Variants in C8B observed in about 807,000 individuals in gnomAD.
C8B encodes complement component C8 beta chain.
In C8B, 67 loss-of-function variants were observed where a neutral mutation model predicts 64.6. The observed-to-expected ratio is 1.04, with a 90% confidence interval of 0.85 to 1.27. The LOEUF is 1.27. C8B is among the 50% of genes most tolerant of loss of function. The probability of loss-of-function intolerance (pLI) is 0.00; values close to 1 mark genes in which losing one functional copy is unlikely to be tolerated. For missense variants in C8B, 790 were observed against 725.2 expected (o/e 1.09, Z -1.03); for synonymous variants, 284 against 257.7 (o/e 1.10, Z -0.98).
intron 9 of C8B, among the ~76,000 whole-genome samples, chr1:56,936,555 T>G (rs2101370536): frequency 6.6e-6 from 1 of 150,882 alleles, no homozygotes; most frequent in Admixed American, 6.6e-5. Flanking sequence ...AGCCATTTAG[T>G]TATATTCATG....
At position 56,933,491 on chromosome 1, in the gene C8B, G is replaced by A; in HGVS notation, c.1399-3C>T. 4 of 1,613,140 alleles carry A rather than the reference G, an allele frequency of 2.5e-6. No homozygotes were observed. The highest frequency in any genetic ancestry group is 3.4e-6 in the Non-Finnish European group (4 of 1,179,168). On this transcript the variant is annotated splice_region_variant and splice_polypyrimidine_tract_variant and intron_variant, in intron 9 of 11. Transcript: ENST00000371237. ...ACTAGTTCATACAGAGGCTCCACCT[G>A]GAAAGGGAAAAGGGCATTTATTTCA...
At chr1:56,942,454 C>A (rs1395968068) in intron 8 of C8B, among the ~76,000 whole-genome samples, 95 of 152,178 alleles carry the variant, frequency 6.2e-4, no homozygotes, top group Non-Finnish European at 1.2e-4. Flanking sequence ...CTAATCCCAG[C>A]ACTTTGGGAG....
rs543174993 is a variant in C8B, at chr1:56,945,921, A to G, written c.1005T>C (p.Asp335=). Residue 335 remains aspartate, a synonymous_variant, in exon 7 of 12, where the codon GAT becomes GAC. Transcript: ENST00000371237. ...PLEYSYGEYR[D]LFRDFGTHYI... ...AGTGGGTCCCAAAATCACGGAAGAG[A>G]TCTCTGTATTCCCCGTAGCTGTACT... 47 of 1,614,078 alleles carry G rather than the reference A, an allele frequency of 2.9e-5. 1 individual carries two copies. In the African/African-American group the frequency reaches 5.1e-4, roughly 17 times the overall value.
At position 56,937,066 on chromosome 1, in the gene C8B, G is replaced by A. The variant is rs911970479; in HGVS notation, c.1399-3578C>T. ...ATACCTTGCTTTGAGAAAGGTATGA[G>A]GGTCATTATTACAGTTTATTAAATA... On this transcript the variant is annotated intron_variant, in intron 9 of 11. Coordinates refer to ENST00000371237, the MANE Select transcript of C8B (RefSeq NM_000066.4). 1.3e-5 allele frequency among the ~76,000 whole-genome samples: 2 copies of A among 152,184 alleles called. 1 individual carries two copies. The highest frequency in any genetic ancestry group is 2.9e-5 in the Non-Finnish European group (2 of 68,034).
At chr1:56,931,576 G>T (rs138813115) in intron 11 of C8B, 3 of 464,288 alleles carry the variant, frequency 6.5e-6, no homozygotes, top group South Asian at 2.0e-5. Flanking sequence ...CAAAAGCCAC[G>T]CATTGATATT....
chr1:56,949,607 T>C lies in C8B; in HGVS notation c.812A>G (p.Gln271Arg), dbSNP rs1557736855. ...AATATAGTGTTTGCCTCGATCACTT[T>C]GACTACTGATGCCAAGTTCAAATAT... The part of the protein sequence containing the change: ...PGIFELGISS[Q>R]SDRGKHYIRR... Residue 271 changes from glutamine to arginine, a missense_variant, in exon 6 of 12, where the codon CAA (glutamine) becomes CGA (arginine). By Grantham distance (43) the Gln-to-Arg change is conservative (BLOSUM62 1). Coordinates refer to ENST00000371237, the MANE Select transcript of C8B (RefSeq NM_000066.4). The C allele has an allele frequency of 6.2e-7, 1 of 1,614,004 alleles. No individual in the cohort carries two copies. Among genetic ancestry groups the C allele is most frequent in the Non-Finnish European group, 8.5e-7 (1 of 1,179,980 alleles).
chr1:56,960,013 T>C lies in C8B; in HGVS notation c.249+7A>G. On this transcript the variant is annotated splice_region_variant and intron_variant, in intron 2 of 11. Coordinates refer to ENST00000371237, the MANE Select transcript of C8B (RefSeq NM_000066.4). ...AGCTTAGAGCTGTCCCAGGCCTGGT[T>C]GCTTACCCTTTTCTTCTGACAGGGG... The C allele has an allele frequency of 6.2e-7, 1 of 1,614,180 alleles. No individual in the cohort carries two copies. The highest frequency in any genetic ancestry group is 8.5e-7 in the Non-Finnish European group (1 of 1,180,010).
In C8B at chr1:56,945,704, G is replaced by A. The variant is rs761942223; in HGVS notation, c.1105+117C>T. 3 of 1,275,012 alleles carry A rather than the reference G, an allele frequency of 2.4e-6. No homozygotes were observed. In the Admixed American group the frequency reaches 5.1e-5, roughly 22 times the overall value. The allele number at this position is 1,275,012 out of a possible 1,614,324, so 79.0% of individuals were successfully genotyped here. A position where few individuals can be genotyped will look rare whatever the true frequency, so the allele number is the denominator to read the frequency against. ...TTGTCAATCAAAAAGAAGAGGAAGA[G>A]GAATCTGCAAATGACACTGTGAAGG... On this transcript the variant is annotated intron_variant, in intron 7 of 11. Transcript: ENST00000371237.
chr1:56,936,489 A>G (rs1361403906), intron 9 of C8B, among the ~76,000 whole-genome samples: 1 of 146,168 alleles, frequency 6.8e-6, no homozygotes, highest in Non-Finnish European at 1.5e-5. Flanking sequence ...CATTCCTTAC[A>G]TATTAAGGAT....
At chr1:56,958,098 G>T (rs1645127943) in intron 2 of C8B, among the ~76,000 whole-genome samples, 1 of 152,134 alleles carries the variant, frequency 6.6e-6, no homozygotes, top group Admixed American at 6.5e-5. Context: ...ACAAGTAGGA[G>T]AGTGGCCAGA....
At chr1:56,933,764 G>A (rs571459093) in intron 9 of C8B, among the ~76,000 whole-genome samples, 239 of 152,270 alleles carry the variant, frequency 1.6e-3, no homozygotes, top group Middle Eastern at 0.01. Flanking sequence ...TACTCTCAAG[G>A]AACTCAGAAT....
chr1:56,938,063 G>T (rs1236997219), intron 9 of C8B, among the ~76,000 whole-genome samples: 1 of 152,184 alleles, frequency 6.6e-6, no homozygotes, highest in Non-Finnish European at 1.5e-5. Context: ...TTTTCAATGA[G>T]CTGTTCATTC....
chr1:56,957,333 T>G (rs1645118098), intron 2 of C8B, among the ~76,000 whole-genome samples: 2 of 152,208 alleles, frequency 1.3e-5, no homozygotes, highest in African/African-American at 4.8e-5. Flanking sequence ...TTGATTCAAG[T>G]ATTCCCCTTT....
intron 8 of C8B, among the ~76,000 whole-genome samples, chr1:56,943,255 T>A (rs960726023): frequency 6.6e-6 from 1 of 152,148 alleles, no homozygotes; most frequent in Admixed American, 6.5e-5. Flanking sequence ...CTGTGTGTAT[T>A]CTCTGGAAAG....
chr1:56,956,278 T>A (rs1486206197), intron 3 of C8B, among the ~76,000 whole-genome samples: 1 of 152,194 alleles, frequency 6.6e-6, no homozygotes, highest in African/African-American at 2.4e-5. Context: ...CAAAGAGCTC[T>A]CATAGCTATG....
In C8B at chr1:56,929,347, A is replaced by C; in HGVS notation, c.*57T>G. 1.9e-6 allele frequency: 3 copies of C among 1,590,056 alleles called. No homozygotes were observed. In the Admixed American group the frequency reaches 5.0e-5, roughly 27 times the overall value. On this transcript the variant is annotated 3_prime_UTR_variant, in exon 12 of 12. Coordinates refer to ENST00000371237, the MANE Select transcript of C8B (RefSeq NM_000066.4). ...GAAACTGGTGTAGGGCTGAGCTGGCATGAGTTCTTGAGGGCTCAGGGCTCT... is the reference window on the plus strand; with the variant it reads ...GAAACTGGTGTAGGGCTGAGCTGGCCTGAGTTCTTGAGGGCTCAGGGCTCT...
intron 8 of C8B, 40 bp downstream of exon 8, chr1:56,943,656 A>G (rs72670361): frequency 0.04 from 64,257 of 1,612,442 alleles, 1,539 homozygotes; most frequent in Non-Finnish European, 0.048. Flanking sequence ...TAGGAGGATA[A>G]ACATTATAAG....
intron 10 of C8B, 130 bp downstream of exon 10, chr1:56,933,205 C>T: frequency 3.7e-6 from 3 of 808,414 alleles, no homozygotes; most frequent in Non-Finnish European, 6.5e-6. Flanking sequence ...GGTATACTGA[C>T]AGCCAGAGTA....
At chr1:56,951,305 A>T (rs181936840) in intron 5 of C8B, among the ~76,000 whole-genome samples, 1 of 152,268 alleles carries the variant, frequency 6.6e-6, no homozygotes, top group East Asian at 1.9e-4. Flanking sequence ...CTCGTCCCCC[A>T]GTTTCACAGA....
Sources: gnomAD v4.1 joint callset for allele counts (sites outside exome capture counted in the v4.1 genomes callset) on GRCh38, gnomAD v4.1.1 for gene constraint, MANE v1.5 for transcripts, NCBI Gene and HGNC (gene_info 2026-07-23, HGNC 2026-07-21) for gene names.